NAA35: variants seen among roughly 807,000 people sequenced by gnomAD.
The protein encoded by NAA35 is N-alpha-acetyltransferase 35, NatC auxiliary subunit, also known as MAK10 homolog, amino-acid N-acetyltransferase subunit.
In NAA35, 18 loss-of-function variants were observed where a neutral mutation model predicts 101.7. The ratio of observed to expected loss-of-function variants is 0.18; its 90% CI spans 0.12 to 0.26. The LOEUF (loss-of-function observed/expected upper bound fraction) is 0.26, where lower values mean the gene tolerates loss of function less well. NAA35 is among the 10% of genes least tolerant of loss of function. The probability of loss-of-function intolerance (pLI) is 1.00; values close to 1 mark genes in which losing one functional copy is unlikely to be tolerated. For synonymous variants in NAA35, 267 were observed against 273.1 expected (o/e 0.98, Z 0.22); for missense variants, 601 against 886.8 (o/e 0.68, Z 4.09).
chr9:85,976,835 G>A (rs1564301719), intron 9 of NAA35, 100 bp downstream of exon 9: 3 of 869,982 alleles, frequency 3.4e-6, no homozygotes, highest in Admixed American at 3.0e-5. Flanking sequence ...CCCTTTTTAA[G>A]GTATTTCTTT....
Position 85,945,841 on chromosome 9 carries a change from A to C in NAA35, c.124+3558A>C, listed in dbSNP as rs571731938. Reference sequence around the variant, plus strand: ...GCCTGACTCTGGTGATTTTTTTAGTACCACAAAATAGTTGGCATACTGATG... The same window carrying C: ...GCCTGACTCTGGTGATTTTTTTAGTCCCACAAAATAGTTGGCATACTGATG... On this transcript the variant is annotated intron_variant, in intron 2 of 22. Transcript: ENST00000361671. Among the ~76,000 whole-genome samples the C allele has an allele frequency of 2.0e-5, 3 of 152,162 alleles. No individual in the cohort carries two copies. The East Asian group carries it at 5.8e-4, about 29-fold the overall frequency.
At chr9:85,957,306 A>G (rs1475720201) in intron 3 of NAA35, among the ~76,000 whole-genome samples, 1 of 152,242 alleles carries the variant, frequency 6.6e-6, no homozygotes, top group African/African-American at 2.4e-5. Flanking sequence ...GTGGATCATC[A>G]TAAAGGTTTT....
chr9:86,011,040 C>T (rs895871040), intron 15 of NAA35, among the ~76,000 whole-genome samples: 2 of 150,828 alleles, frequency 1.3e-5, no homozygotes, highest in South Asian at 2.1e-4. Flanking sequence ...GTCGGGAGTT[C>T]GAGACCAGCC....
At chr9:85,950,891 C>CTT (rs1828989221) in intron 2 of NAA35, among the ~76,000 whole-genome samples, 1 of 152,070 alleles carries the variant, frequency 6.6e-6, no homozygotes, top group Non-Finnish European at 1.5e-5. Flanking sequence ...AATCCTAGCA[C>CTT]TTTGGGAGGC....
In NAA35 at chr9:85,977,437, T is replaced by C. The variant is rs1830259285; in HGVS notation, c.753T>C (p.Thr251=). 2.5e-6 allele frequency: 4 copies of C among 1,603,730 alleles called. No homozygotes were observed. The South Asian group carries it at 3.3e-5, about 13-fold the overall frequency. The part of the protein sequence containing the change: ...RVLLTVLIAF[T]KKETSAVAEA... ...TACTGACAGTGCTTATAGCCTTTACTAAGAAAGAGGTAAGGGCATTCAATA... is the reference window on the plus strand; with the variant it reads ...TACTGACAGTGCTTATAGCCTTTACCAAGAAAGAGGTAAGGGCATTCAATA... The change falls in exon 10 of 23, where the codon ACT becomes ACC. Residue 251 remains threonine (T), a synonymous_variant. Coordinates refer to ENST00000361671, the MANE Select transcript of NAA35 (RefSeq NM_024635.4).
intron 1 of NAA35, chr9:85,941,519 C>T (rs1828513399): frequency 1.0e-6 from 1 of 985,698 alleles, no homozygotes; most frequent in Non-Finnish European, 1.2e-6. Context: ...GCGGCGACAG[C>T]TCTGTCCTTG....
In NAA35 at chr9:85,983,238, G is replaced by C. The variant is rs188849357; in HGVS notation, c.877+4857G>C. On this transcript the variant is annotated intron_variant, in intron 11 of 22. Transcript: ENST00000361671. ...AGTAGTCATTATTGTGACCTACTTT[G>C]ATTCCCCATCTGCTCCTCTCCTCGC... 2.9e-3 allele frequency among the ~76,000 whole-genome samples: 438 copies of C among 152,286 alleles called. 6 individuals are homozygous for C. In the South Asian group the frequency reaches 0.034, roughly 12 times the overall value.
In NAA35 at chr9:86,016,645, A is replaced by G. The variant is rs1295860760; in HGVS notation, c.1675A>G (p.Ser559Gly). ...AATGGAAGAGCAGCAGAAAGGCCGT[A>G]GTAGTAAAAAAACAAAGAAAAAAAA... ...RIMEEQQKGR[S>G]SKKTKKKKKV... Residue 559 changes from serine to glycine, a missense_variant, in exon 18 of 23, where the codon AGT becomes GGT. Ser to Gly is a moderately conservative substitution (Grantham distance 56). This residue lies in a region of NAA35 where 99 missense variants were observed against 206.7 expected (regional missense o/e 0.48). Coordinates refer to ENST00000361671, the MANE Select transcript of NAA35 (RefSeq NM_024635.4). The G allele has an allele frequency of 6.2e-7, 1 of 1,613,684 alleles. No individual in the cohort carries two copies. Among genetic ancestry groups the G allele is most frequent in the South Asian group, 1.1e-5 (1 of 91,060 alleles).
At position 86,024,749 on chromosome 9, in the gene NAA35, A is replaced by G. The variant is rs189863375; in HGVS notation, c.*2789A>G. Among the ~76,000 whole-genome samples, 247 of 152,252 alleles carry G rather than the reference A, an allele frequency of 1.6e-3. 1 individual carries two copies. Among genetic ancestry groups the G allele is most frequent in the African/African-American group, 3.8e-3 (157 of 41,560 alleles). On this transcript the variant is annotated 3_prime_UTR_variant, in exon 23 of 23. Transcript: ENST00000361671. ...AAGGTAGGAGACCAGGTTTGGGATAAAGATTGCTTTAGACATTGAGATATC... is the reference window on the plus strand; with the variant it reads ...AAGGTAGGAGACCAGGTTTGGGATAGAGATTGCTTTAGACATTGAGATATC...
chr9:85,956,648 A>T (rs1336819786), intron 3 of NAA35, among the ~76,000 whole-genome samples: 1 of 152,186 alleles, frequency 6.6e-6, no homozygotes, highest in East Asian at 1.9e-4. Context: ...ATGAATGTGG[A>T]ATTTCTTGAA....
Position 85,978,390 on chromosome 9 carries a change from T to A in NAA35, c.877+9T>A. 1 of 1,507,778 alleles carries A rather than the reference T, an allele frequency of 6.6e-7. No homozygotes were observed. Among genetic ancestry groups the A allele is most frequent in the Non-Finnish European group, 9.2e-7 (1 of 1,083,296 alleles). The allele number at this position is 1,507,778 out of a possible 1,614,324, so 93.4% of individuals were successfully genotyped here. ...TGATACTACAAAAGGAGGTAATTGT[T>A]CAATTTGCTCCTACTCTTTCTTTTC... On this transcript the variant is annotated intron_variant, in intron 11 of 22. Coordinates refer to ENST00000361671, the MANE Select transcript of NAA35 (RefSeq NM_024635.4).
At chr9:85,995,662 G>T (rs1169843255) in intron 11 of NAA35, among the ~76,000 whole-genome samples, 1 of 152,090 alleles carries the variant, frequency 6.6e-6, no homozygotes, top group Non-Finnish European at 1.5e-5. Context: ...GTTGTGGCCA[G>T]TTTGTAGACT....
chr9:85,943,111 C>T (rs1417685697), intron 2 of NAA35, among the ~76,000 whole-genome samples: 1 of 152,062 alleles, frequency 6.6e-6, no homozygotes, highest in African/African-American at 2.4e-5. Context: ...CAGTTCCTGG[C>T]ACATAGTAAA....
rs867841517 is a variant in NAA35, at chr9:86,011,959, A to C, written c.1291-1087A>C. On this transcript the variant is annotated intron_variant, in intron 15 of 22. Coordinates refer to ENST00000361671, the MANE Select transcript of NAA35 (RefSeq NM_024635.4). Reference sequence around the variant, plus strand: ...TATAATATATAATATAGTATATAATATATAATGTATATAATATATAATATA... The same window carrying C: ...TATAATATATAATATAGTATATAATCTATAATGTATATAATATATAATATA... Among the ~76,000 whole-genome samples, 40 of 140,810 alleles carry C rather than the reference A, an allele frequency of 2.8e-4. 1 individual carries two copies. In the South Asian group the frequency reaches 7.2e-3, roughly 25 times the overall value. The allele number at this position is 140,810 out of a possible 152,430, so 92.4% of individuals were successfully genotyped here. A position where few individuals can be genotyped will look rare whatever the true frequency, so the allele number is the denominator to read the frequency against.
intron 1 of NAA35, chr9:85,941,550 G>GGGGCT (rs1043903121): frequency 1.3e-5 from 13 of 985,492 alleles, no homozygotes; most frequent in Admixed American, 1.2e-4. Context: ...CAGTGGGACC[G>GGGGCT]GGGCTGGGCT....
intron 17 of NAA35, 39 bp downstream of exon 17, chr9:86,013,936 A>C: frequency 7.0e-7 from 1 of 1,437,884 alleles, no homozygotes; most frequent in Admixed American, 1.8e-5. Context: ...TGGTGGGTGC[A>C]ATGGATAAGA....
At chr9:86,012,525 CT>C (rs1410501512) in intron 15 of NAA35, among the ~76,000 whole-genome samples, 4 of 152,150 alleles carry the variant, frequency 2.6e-5, no homozygotes, top group African/African-American at 9.7e-5. Context: ...CAGTATTATA[CT>C]TTGAGAATCT....
At chr9:86,015,520 T>A (rs2118463914) in intron 17 of NAA35, 1 of 156,142 alleles carries the variant, frequency 6.4e-6, no homozygotes. Context: ...ATACACAAAT[T>A]TTTGGGCTAA....
intron 19 of NAA35, among the ~76,000 whole-genome samples, chr9:86,017,910 T>A (rs1832308524): frequency 6.6e-6 from 1 of 152,136 alleles, no homozygotes. Flanking sequence ...GTGGAAGAGA[T>A]GGAATTTAGG....
Sources: gnomAD v4.1 joint callset for allele counts (sites outside exome capture counted in the v4.1 genomes callset) on GRCh38, gnomAD v4.1.1 for gene constraint, gnomAD v4.1.1 regional missense constraint, MANE v1.5 for transcripts, NCBI Gene and HGNC (gene_info 2026-07-23, HGNC 2026-07-21) for gene names.